SLC39A11: variants seen among roughly 807,000 people sequenced by gnomAD.
SLC39A11 encodes solute carrier family 39 member 11.
A neutral mutation model predicts 36.1 loss-of-function variants in SLC39A11; 33 were observed. That is an observed-to-expected ratio of 0.91 (90% CI 0.69 to 1.22). The LOEUF (loss-of-function observed/expected upper bound fraction) is 1.22. SLC39A11 is among the 50% of genes most tolerant of loss of function. The probability of loss-of-function intolerance (pLI) is 0.00; values close to 1 mark genes in which losing one functional copy is unlikely to be tolerated. For synonymous variants in SLC39A11, 166 were observed against 170.3 expected (o/e 0.97, Z 0.20); for missense variants, 432 against 430.3 (o/e 1.00, Z -0.03).
chr17:72,769,418 T>C (rs1249510065), intron 6 of SLC39A11, among the ~76,000 whole-genome samples: 1 of 152,152 alleles, frequency 6.6e-6, no homozygotes, highest in Non-Finnish European at 1.5e-5. Context: ...ATGAACCTTG[T>C]GAAAGGAAAC....
At chr17:72,988,961 A>C (rs574756167) in intron 4 of SLC39A11, among the ~76,000 whole-genome samples, 36 of 152,296 alleles carry the variant, frequency 2.4e-4, no homozygotes, top group African/African-American at 8.7e-4. Flanking sequence ...CTGTCATCCG[A>C]GCACTTTGGG....
intron 6 of SLC39A11, among the ~76,000 whole-genome samples, chr17:72,825,712 G>A (rs2078002044): frequency 6.6e-6 from 1 of 152,236 alleles, no homozygotes; most frequent in African/African-American, 2.4e-5. Context: ...GCATCAGTGT[G>A]GACTGGATGT....
At chr17:72,848,922 G>T (rs9891480) in intron 6 of SLC39A11, among the ~76,000 whole-genome samples, 67,309 of 151,896 alleles carry the variant, frequency 0.44, 15,665 homozygotes, top group Non-Finnish European at 0.51. Context: ...AAAATCTGCA[G>T]AGAGTTTTTG....
At chr17:72,738,089 C>G (rs1344096265) in intron 6 of SLC39A11, among the ~76,000 whole-genome samples, 1 of 152,178 alleles carries the variant, frequency 6.6e-6, no homozygotes, top group Non-Finnish European at 1.5e-5. Context: ...ACTGCAAGCT[C>G]CGCCTCCCGG....
At chr17:72,908,957 A>G (rs1340194789) in intron 5 of SLC39A11, among the ~76,000 whole-genome samples, 1 of 152,232 alleles carries the variant, frequency 6.6e-6, no homozygotes, top group Non-Finnish European at 1.5e-5. Flanking sequence ...CAGGATATAA[A>G]GATTAACCAA....
intron 5 of SLC39A11, among the ~76,000 whole-genome samples, chr17:72,932,310 A>ATTATTATTAT (rs199790501): frequency 2.1e-5 from 3 of 144,738 alleles, no homozygotes; most frequent in African/African-American, 8.6e-5. Flanking sequence ...TATTATTATT[A>ATTATTATTAT]TACTTTAAGT....
chr17:72,886,864 C>T (rs1277443809), intron 5 of SLC39A11, among the ~76,000 whole-genome samples: 2 of 152,078 alleles, frequency 1.3e-5, no homozygotes, highest in Non-Finnish European at 2.9e-5. Context: ...GTGCTCCCTC[C>T]TAGGGTGCTC....
At chr17:72,751,030 T>C (rs902271676) in intron 6 of SLC39A11, among the ~76,000 whole-genome samples, 8 of 152,172 alleles carry the variant, frequency 5.3e-5, no homozygotes, top group South Asian at 2.1e-4. Context: ...GAGGATCACC[T>C]GAGGTCAGGA....
rs560614155 is a variant in SLC39A11, at chr17:72,752,567, ATTTATT to A, written c.602-15854_602-15849del. ...GGGCCTTAGTATCTTTTTTCTTTTT[ATTTATT>A]TTTAAGACAGGGTCTCACTGTATTG... On this transcript the variant is annotated intron_variant, in intron 6 of 9. Transcript: ENST00000255559. 1.2e-3 allele frequency among the ~76,000 whole-genome samples: 189 copies of A among 151,930 alleles called. 2 individuals are homozygous for A. The highest frequency in any genetic ancestry group is 0.012 in the South Asian group (58 of 4,814).
At chr17:72,993,854 C>A (rs1224796100) in intron 4 of SLC39A11, among the ~76,000 whole-genome samples, 3 of 152,122 alleles carry the variant, frequency 2.0e-5, no homozygotes, top group Non-Finnish European at 2.9e-5. Context: ...GAGTCAGCAC[C>A]CCCAATATGG....
rs182451673 is a variant in SLC39A11 at position 72,925,459 on chromosome 17, G to A, written c.430+22293C>T. The stretch of plus-strand genomic sequence containing the variant: ...ATTATACAGTCATCCCTTGGTATCC[G>A]TAGGGATACCTCCTCCCTCCCACAG... On this transcript the variant is annotated intron_variant, in intron 5 of 9. Coordinates refer to ENST00000255559, the MANE Select transcript of SLC39A11 (RefSeq NM_139177.4). Among the ~76,000 whole-genome samples, 544 of 152,200 alleles carry A rather than the reference G, an allele frequency of 3.6e-3. 1 individual carries two copies. Among genetic ancestry groups the A allele is most frequent in the Admixed American group, 7.4e-3 (113 of 15,284 alleles).
chr17:72,897,660 A>C (rs1054542733), intron 5 of SLC39A11, among the ~76,000 whole-genome samples: 5 of 152,222 alleles, frequency 3.3e-5, no homozygotes, highest in Admixed American at 2.6e-4. Flanking sequence ...CTCATAAGCG[A>C]CAGCATAGTG....
intron 6 of SLC39A11, among the ~76,000 whole-genome samples, chr17:72,796,943 G>A (rs1316379348): frequency 2.0e-5 from 3 of 152,126 alleles, no homozygotes; most frequent in African/African-American, 7.2e-5. Flanking sequence ...GGTGGCAAGT[G>A]CCAAAGAAGT....
At chr17:72,880,637 G>T (rs949676314) in intron 5 of SLC39A11, among the ~76,000 whole-genome samples, 7 of 149,240 alleles carry the variant, frequency 4.7e-5, no homozygotes, top group African/African-American at 1.5e-4. Context: ...AGAGGGGACT[G>T]CCTCTCACCT....
intron 7 of SLC39A11, among the ~76,000 whole-genome samples, chr17:72,675,573 G>A (rs2071220804): frequency 6.6e-6 from 1 of 152,200 alleles, no homozygotes. Flanking sequence ...GAAGACCTTA[G>A]CTGCCAACAG....
intron 5 of SLC39A11, among the ~76,000 whole-genome samples, chr17:72,889,922 G>A (rs944616051): frequency 1.3e-5 from 2 of 152,108 alleles, no homozygotes; most frequent in East Asian, 3.9e-4. Context: ...TGAAGGGCTG[G>A]AAGCAAGAAA....
intron 7 of SLC39A11, among the ~76,000 whole-genome samples, chr17:72,658,888 C>G (rs945472014): frequency 6.6e-6 from 1 of 152,168 alleles, no homozygotes; most frequent in African/African-American, 2.4e-5. Context: ...CTTTAAATAG[C>G]AGCCACTGTT....
intron 5 of SLC39A11, among the ~76,000 whole-genome samples, chr17:72,935,376 G>T (rs1250683620): frequency 6.6e-6 from 1 of 152,094 alleles, no homozygotes; most frequent in Non-Finnish European, 1.5e-5. Context: ...AGGGAAACAG[G>T]GATAGGTTGA....
intron 4 of SLC39A11, among the ~76,000 whole-genome samples, chr17:73,004,571 A>C (rs1411443096): frequency 6.6e-6 from 1 of 152,240 alleles, no homozygotes; most frequent in Admixed American, 6.5e-5. Context: ...AAGGTTTACA[A>C]TTCTGGCCCT....
Sources: allele counts gnomAD v4.1 joint callset (sites outside exome capture counted in the v4.1 genomes callset), GRCh38; gene constraint gnomAD v4.1.1; transcripts MANE v1.5; gene names NCBI Gene and HGNC (gene_info 2026-07-23, HGNC 2026-07-21).